Variants in BCAS3 observed in about 807,000 individuals in gnomAD.
BCAS3 encodes the protein BCAS3 microtubule associated cell migration factor, also known as BCAS4/BCAS3 fusion.
In BCAS3, 53 loss-of-function variants were observed where a neutral mutation model predicts 116.1. The observed-to-expected ratio is 0.46, with a 90% CI of 0.37 to 0.57. BCAS3 has a LOEUF of 0.57. Among genes scored for constraint, BCAS3 ranks in the 20% least tolerant of loss-of-function variants. The pLI is 0.00. For synonymous variants in BCAS3, 391 were observed against 408.2 expected, an observed-to-expected ratio of 0.96 and a Z score of 0.51; for missense variants, 917 against 1,165.4, an observed-to-expected ratio of 0.79 and a Z score of 3.10.
chr17:61,169,781 T>G (rs759684997), intron 22 of BCAS3, among the ~76,000 whole-genome samples: 6 of 152,208 alleles, frequency 3.9e-5, no homozygotes, highest in Non-Finnish European at 8.8e-5. Flanking sequence ...TGGGACCATT[T>G]TTACTTATCT....
intron 22 of BCAS3, among the ~76,000 whole-genome samples, chr17:61,299,329 G>A (rs370948755): frequency 6.6e-6 from 1 of 150,854 alleles, no homozygotes; most frequent in East Asian, 2.0e-4. Flanking sequence ...TGTAGTCCCA[G>A]CTACTTGGGA....
In BCAS3 at chr17:61,285,595, A is replaced by T. The variant is rs2051694792; in HGVS notation, c.2426-82732A>T. The stretch of plus-strand genomic sequence containing the variant: ...GCTGTGCTAGGCATAATTGAGATGC[A>T]TGGACTTTGTGTAAATAATGTACTT... On this transcript the variant is annotated intron_variant, in intron 22 of 23. Transcript: ENST00000407086. This position sits in a 1 kb window ranked among gnomAD's most constrained non-coding sequence, Gnocchi z 5.4. Among the ~76,000 whole-genome samples the T allele has an allele frequency of 6.6e-6, 1 of 152,248 alleles. No individual in the cohort carries two copies. Among genetic ancestry groups the T allele is most frequent in the African/African-American group, 2.4e-5 (1 of 41,460 alleles).
chr17:61,191,472 G>A (rs2080107732), intron 22 of BCAS3, among the ~76,000 whole-genome samples: 1 of 152,030 alleles, frequency 6.6e-6, no homozygotes, highest in Non-Finnish European at 1.5e-5. Flanking sequence ...AGAACAAGTG[G>A]ATATGAAAAA....
intron 5 of BCAS3, among the ~76,000 whole-genome samples, chr17:60,739,868 G>GTTTTTTTTTTTTTTTTTTTTTTTTT (rs1203592870): frequency 6.8e-6 from 1 of 146,890 alleles, no homozygotes; most frequent in African/African-American, 2.6e-5. Context: ...AGAGGTTGCT[G>GTTTTTTTTTTTTTTTTTTTTTTTTT]TTTTTTTTGT....
intron 13 of BCAS3, among the ~76,000 whole-genome samples, chr17:60,940,212 A>G (rs953069781): frequency 3.3e-5 from 5 of 152,168 alleles, no homozygotes; most frequent in Admixed American, 6.5e-5. Flanking sequence ...TTTCTAATTT[A>G]TGTTGGTTAT....
rs2058796578 is a variant in BCAS3 at position 61,367,327 on chromosome 17, C to T, written c.2426-1000C>T. On this transcript the variant is annotated intron_variant, in intron 22 of 23. Coordinates refer to ENST00000407086, the MANE Select transcript of BCAS3 (RefSeq NM_017679.5). This position sits in a 1 kb window ranked among gnomAD's most constrained non-coding sequence, Gnocchi z 6.2. ...AGCAACAGAGCGTGACTATAATCTC[C>T]TTCCGAGAGAGAGTGGATGAAATAA... 6.6e-6 allele frequency among the ~76,000 whole-genome samples: 1 copy of T among 152,204 alleles called. No individual in the cohort carries two copies. Among genetic ancestry groups the T allele is most frequent in the Admixed American group, 6.5e-5 (1 of 15,290 alleles).
rs532844126 is a variant in BCAS3 at position 61,275,860 on chromosome 17, A to C, written c.2426-92467A>C. ...ATCTTCCACCTTCCAAATCTCATGG[A>C]AATTTTTCTTATGATTAACCCCAAC... On this transcript the variant is annotated intron_variant, in intron 22 of 23. Coordinates refer to ENST00000407086, the MANE Select transcript of BCAS3 (RefSeq NM_017679.5). 3.9e-5 allele frequency among the ~76,000 whole-genome samples: 6 copies of C among 152,336 alleles called. No homozygotes were observed. The South Asian group carries it at 1.2e-3, about 32-fold the overall frequency.
rs748382730 is a variant in BCAS3, at chr17:61,258,110, A to G, written c.2426-110217A>G. Among the ~76,000 whole-genome samples the G allele has an allele frequency of 2.9e-4, 44 of 151,960 alleles. No individual in the cohort carries two copies. The highest frequency in any genetic ancestry group is 5.7e-4 in the Non-Finnish European group (39 of 68,008). Reference sequence around the variant, plus strand: ...CTGGTTAACCACCTACAGGATTTCTACTCACCTTTCAAGGTTTAGAGAAAA... The same window carrying G: ...CTGGTTAACCACCTACAGGATTTCTGCTCACCTTTCAAGGTTTAGAGAAAA... On this transcript the variant is annotated intron_variant, in intron 22 of 23. Coordinates refer to ENST00000407086, the MANE Select transcript of BCAS3 (RefSeq NM_017679.5). This position sits in a 1 kb window ranked among gnomAD's most constrained non-coding sequence, Gnocchi z 4.7.
chr17:61,350,421 T>TAAATA (rs1159311164), intron 22 of BCAS3, among the ~76,000 whole-genome samples: 1 of 148,612 alleles, frequency 6.7e-6, no homozygotes, highest in Non-Finnish European at 1.5e-5. Flanking sequence ...TCTCAATAAA[T>TAAATA]AAATAAATAA....
At chr17:60,691,544 G>A (rs2034823748) in intron 4 of BCAS3, among the ~76,000 whole-genome samples, 1 of 152,014 alleles carries the variant, frequency 6.6e-6, no homozygotes, top group Non-Finnish European at 1.5e-5. Context: ...AGCTTCTTTG[G>A]AGAAATGGCT....
chr17:61,045,127 C>G (rs2067925972), intron 19 of BCAS3, among the ~76,000 whole-genome samples: 1 of 151,986 alleles, frequency 6.6e-6, no homozygotes. Context: ...GCTTTTGTTT[C>G]TTACCTCAGA....
At chr17:61,048,574 C>T (rs1600767192) in intron 19 of BCAS3, among the ~76,000 whole-genome samples, 1 of 152,038 alleles carries the variant, frequency 6.6e-6, no homozygotes, top group African/African-American at 2.4e-5. Context: ...TGGAACACAG[C>T]CACACTGTTT....
intron 23 of BCAS3, among the ~76,000 whole-genome samples, chr17:61,371,193 T>G (rs1603124578): frequency 6.6e-6 from 1 of 152,358 alleles, no homozygotes; most frequent in African/African-American, 2.4e-5. Flanking sequence ...AAGCCTATTC[T>G]ATAGCACGCC....
chr17:61,172,506 T>G (rs185558837), intron 22 of BCAS3, among the ~76,000 whole-genome samples: 136 of 150,742 alleles, frequency 9.0e-4, no homozygotes, highest in East Asian at 5.5e-3. Flanking sequence ...GCTTAGTGGC[T>G]GGCGCCTGTA....
At chr17:61,328,036 A>C (rs1170548139) in intron 22 of BCAS3, among the ~76,000 whole-genome samples, 3 of 152,234 alleles carry the variant, frequency 2.0e-5, no homozygotes, top group East Asian at 1.9e-4. Context: ...AAAATTATTA[A>C]GGTATAGACA....
chr17:60,825,565 A>C (rs1681472109), intron 7 of BCAS3, among the ~76,000 whole-genome samples: 3 of 142,258 alleles, frequency 2.1e-5, no homozygotes, highest in Admixed American at 2.1e-4. Flanking sequence ...ATAATTTATA[A>C]ATAATTATTA....
At chr17:61,375,623 G>A (rs922875999) in intron 23 of BCAS3, among the ~76,000 whole-genome samples, 3 of 147,754 alleles carry the variant, frequency 2.0e-5, no homozygotes, top group Non-Finnish European at 4.5e-5. Flanking sequence ...AGACTAGAGT[G>A]CAATGGCACA....
At chr17:60,942,696 G>GT (rs1371214021) in intron 13 of BCAS3, among the ~76,000 whole-genome samples, 7 of 152,062 alleles carry the variant, frequency 4.6e-5, no homozygotes, top group Admixed American at 4.6e-4. Context: ...TGTACCTTAT[G>GT]TTTGCCAAAG....
chr17:61,183,475 G>A (rs1473220024), intron 22 of BCAS3, among the ~76,000 whole-genome samples: 1 of 151,916 alleles, frequency 6.6e-6, no homozygotes, highest in Non-Finnish European at 1.5e-5. Context: ...GCTAAGCATT[G>A]TACAAAGGAC....
Sources: allele counts gnomAD v4.1 joint callset (sites outside exome capture counted in the v4.1 genomes callset), GRCh38; gene constraint gnomAD v4.1.1; non-coding constraint Gnocchi (gnomAD v3.1); transcripts MANE v1.5; gene names NCBI Gene and HGNC (gene_info 2026-07-23, HGNC 2026-07-21).